The following PLXDC2 variants were observed in gnomAD, a reference collection of about 807,000 sequenced individuals.
PLXDC2 encodes the protein plexin domain-containing protein 2.
In PLXDC2, 40 loss-of-function variants were observed where a neutral mutation model predicts 68.9. The ratio of observed to expected loss-of-function variants is 0.58; its 90% CI spans 0.45 to 0.76. The LOEUF is 0.76. PLXDC2 is among the 30% of genes least tolerant of loss of function. PLXDC2 has a pLI of 0.00. For synonymous variants in PLXDC2, 243 were observed against 234.2 expected (o/e 1.04, Z -0.34); for missense variants, 644 against 661.9 (o/e 0.97, Z 0.30).
intron 13 of PLXDC2, among the ~76,000 whole-genome samples, chr10:20,262,065 C>T (rs548163426): frequency 6.6e-6 from 1 of 152,242 alleles, no homozygotes; most frequent in South Asian, 2.1e-4. Flanking sequence ...GGTTTCCTCT[C>T]AAGGAAACAA....
At chr10:19,876,921 C>T (rs1420829752) in intron 1 of PLXDC2, among the ~76,000 whole-genome samples, 1 of 152,048 alleles carries the variant, frequency 6.6e-6, no homozygotes, top group Non-Finnish European at 1.5e-5. Context: ...CTTAAAAAAA[C>T]TCGTACAAAA....
intron 2 of PLXDC2, among the ~76,000 whole-genome samples, chr10:20,045,794 T>C (rs1055960624): frequency 5.9e-5 from 9 of 152,208 alleles, no homozygotes; most frequent in African/African-American, 2.2e-4. Context: ...CATTTTTTCT[T>C]ACATTTACCT....
chr10:20,273,279 A>G (rs960414246), intron 13 of PLXDC2, among the ~76,000 whole-genome samples: 1 of 151,956 alleles, frequency 6.6e-6, no homozygotes, highest in African/African-American at 2.4e-5. Context: ...AATGATTTTT[A>G]CTGGCATGAT....
intron 6 of PLXDC2, among the ~76,000 whole-genome samples, chr10:20,153,073 T>C (rs567525952): frequency 1.3e-5 from 2 of 152,184 alleles, no homozygotes; most frequent in South Asian, 4.1e-4. Flanking sequence ...ATGGACCTTT[T>C]CCTTAGTGCC....
At chr10:19,883,124 T>A (rs1837764210) in intron 1 of PLXDC2, among the ~76,000 whole-genome samples, 2 of 152,002 alleles carry the variant, frequency 1.3e-5, no homozygotes, top group African/African-American at 2.4e-5. Flanking sequence ...GCCCGGCTAA[T>A]TTTTTGTTTT....
chr10:20,105,109 C>T (rs1443086996), intron 4 of PLXDC2, among the ~76,000 whole-genome samples: 2 of 150,688 alleles, frequency 1.3e-5, no homozygotes, highest in East Asian at 3.9e-4. Context: ...CTCTGGGGAG[C>T]ACCACCGGCT....
intron 1 of PLXDC2, among the ~76,000 whole-genome samples, chr10:19,830,459 A>G (rs778832778): frequency 4.6e-5 from 7 of 152,178 alleles, no homozygotes; most frequent in Admixed American, 6.5e-5. Flanking sequence ...TTCTTGAAAC[A>G]TTCTCCAGAG....
intron 13 of PLXDC2, among the ~76,000 whole-genome samples, chr10:20,271,571 G>A (rs915817926): frequency 1.3e-5 from 2 of 152,100 alleles, no homozygotes; most frequent in African/African-American, 4.8e-5. Context: ...CCACTAGTTG[G>A]TTCTGTTTAG....
At chr10:20,063,287 G>A (rs1211317998) in intron 3 of PLXDC2, among the ~76,000 whole-genome samples, 2 of 152,152 alleles carry the variant, frequency 1.3e-5, no homozygotes, top group Non-Finnish European at 2.9e-5. Flanking sequence ...GCCACTTTCA[G>A]CAGGATTATT....
At chr10:20,155,088 A>C (rs999850033) in intron 6 of PLXDC2, among the ~76,000 whole-genome samples, 1 of 152,190 alleles carries the variant, frequency 6.6e-6, no homozygotes, top group Non-Finnish European at 1.5e-5. Flanking sequence ...CCTTGGTGTC[A>C]CATTTGCTGC....
chr10:20,230,036 C>G (rs1835339476), intron 12 of PLXDC2, among the ~76,000 whole-genome samples: 1 of 151,994 alleles, frequency 6.6e-6, no homozygotes, highest in African/African-American at 2.4e-5. Context: ...AACAAAGGAC[C>G]ATATAACAGA....
At chr10:20,227,782 C>G (rs1249370288) in intron 12 of PLXDC2, among the ~76,000 whole-genome samples, 1 of 151,976 alleles carries the variant, frequency 6.6e-6, no homozygotes, top group Non-Finnish European at 1.5e-5. Flanking sequence ...TTGCAGGGAA[C>G]AGGAGGGACA....
chr10:19,915,057 T>A (rs11011670), intron 1 of PLXDC2, among the ~76,000 whole-genome samples: 17,963 of 152,182 alleles, frequency 0.12, 1,503 homozygotes, highest in East Asian at 0.28. Context: ...TCATTTTTTT[T>A]AAATTTACTC....
At chr10:19,821,261 T>C (rs1836462040) in intron 1 of PLXDC2, among the ~76,000 whole-genome samples, 1 of 152,208 alleles carries the variant, frequency 6.6e-6, no homozygotes, top group Non-Finnish European at 1.5e-5. Flanking sequence ...GATGAGCTGC[T>C]GAAGTTCCCT....
chr10:19,986,305 GA>G (rs1374197169), intron 1 of PLXDC2, among the ~76,000 whole-genome samples: 1 of 152,052 alleles, frequency 6.6e-6, no homozygotes, highest in Admixed American at 6.6e-5. Context: ...GAACAGACCT[GA>G]ATCCAAGCTT....
chr10:19,987,477 G>T (rs975836898), intron 1 of PLXDC2, among the ~76,000 whole-genome samples: 5 of 151,998 alleles, frequency 3.3e-5, no homozygotes, highest in African/African-American at 9.7e-5. Context: ...TAAATGGATT[G>T]AAATTTAAAT....
At chr10:20,264,625 AT>A (rs1319473042) in intron 13 of PLXDC2, among the ~76,000 whole-genome samples, 1 of 152,098 alleles carries the variant, frequency 6.6e-6, no homozygotes, top group African/African-American at 2.4e-5. Context: ...ACAGAAAAAA[AT>A]AATAATTTTG....
At chr10:19,867,100 T>G (rs1409086260) in intron 1 of PLXDC2, among the ~76,000 whole-genome samples, 2 of 146,760 alleles carry the variant, frequency 1.4e-5, no homozygotes, top group Non-Finnish European at 3.0e-5. Context: ...AGTTTCCATC[T>G]TGTTGCCCAG....
intron 1 of PLXDC2, 64 bp from the exon 2 acceptor site, chr10:20,001,704 TCGAGCCG>T: frequency 7.1e-7 from 1 of 1,403,772 alleles, no homozygotes. Context: ...TTTTTTCTTC[TCGAGCCG>T]ATAGCACTTG....
Sources: gnomAD v4.1 joint callset for allele counts (sites outside exome capture counted in the v4.1 genomes callset) on GRCh38, gnomAD v4.1.1 for gene constraint, MANE v1.5 for transcripts, NCBI Gene and HGNC (gene_info 2026-07-23, HGNC 2026-07-21) for gene names.